The following EIF3A variants were observed in gnomAD, a reference collection of about 807,000 sequenced individuals.
The protein encoded by EIF3A is EIF3, p180 subunit.
EIF3A carries 21 observed loss-of-function variants against 186.6 expected under a neutral mutation model. The ratio of observed to expected loss-of-function variants is 0.11; its 90% CI spans 0.08 to 0.16. The LOEUF (loss-of-function observed/expected upper bound fraction) is 0.16, where lower values mean the gene tolerates loss of function less well. Among genes scored for constraint, EIF3A ranks in the 10% least tolerant of loss-of-function variants. The pLI, the probability that EIF3A is intolerant of heterozygous loss-of-function variation, is 1.00. For missense variants in EIF3A, 1,306 were observed against 1,796.3 expected, an observed-to-expected ratio of 0.73 and a Z score of 4.93; for synonymous variants, 563 against 584.3, an observed-to-expected ratio of 0.96 and a Z score of 0.52.
chr10:119,049,047 T>C (rs1337558023), intron 17 of EIF3A, among the ~76,000 whole-genome samples: 1 of 152,240 alleles, frequency 6.6e-6, no homozygotes, highest in Non-Finnish European at 1.5e-5. Context: ...AAAACTTTCA[T>C]GACACGCATG....
intron 6 of EIF3A, among the ~76,000 whole-genome samples, chr10:119,066,417 G>C (rs1225555393): frequency 6.8e-6 from 1 of 146,558 alleles, no homozygotes; most frequent in African/African-American, 2.5e-5. Context: ...GCTGAGGCAG[G>C]AGAATCAGTT....
Position 119,059,377 on chromosome 10 carries a change from A to G in EIF3A, c.1464T>C (p.Ser488=). The change falls in exon 11 of 22, where the codon TCT becomes TCC. Residue 488 remains serine (S), a synonymous_variant. Transcript: ENST00000369144. ...AATCAGATCCAAAACTCAGGGTCCG[A>G]GAAGTGTGATCAATACGAACCTTTG... ...CDLQVRIDHT[S]RTLSFGSDLN... The G allele has an allele frequency of 1.3e-6, 2 of 1,599,230 alleles. No homozygotes were observed. The highest frequency in any genetic ancestry group is 1.7e-6 in the Non-Finnish European group (2 of 1,173,872).
chr10:119,080,173 G>A (rs777760468), intron 1 of EIF3A, among the ~76,000 whole-genome samples: 17 of 152,218 alleles, frequency 1.1e-4, no homozygotes, highest in Non-Finnish European at 1.6e-4. Flanking sequence ...GGCCCGGGCA[G>A]GAGGTGGAGC....
At chr10:119,074,984 CTTTTTTT>C (rs113459869) in intron 1 of EIF3A, among the ~76,000 whole-genome samples, 2 of 105,230 alleles carry the variant, frequency 1.9e-5, no homozygotes, top group Non-Finnish European at 3.5e-5. Flanking sequence ...TATTTTTTTT[CTTTTTTT>C]TTTTTTTTGA....
chr10:119,037,331 G>C, intron 20 of EIF3A, 22 bp from the exon 21 acceptor site: 2 of 1,609,848 alleles, frequency 1.2e-6, no homozygotes, highest in Non-Finnish European at 1.7e-6. Context: ...TACAATGACA[G>C]GTCAGGTTCT....
intron 6 of EIF3A, among the ~76,000 whole-genome samples, chr10:119,065,893 C>T (rs7099529): frequency 6.7e-6 from 1 of 149,554 alleles, no homozygotes; most frequent in Non-Finnish European, 1.5e-5. Flanking sequence ...AAGGGGGGCA[C>T]ATCACGACGT....
intron 1 of EIF3A, among the ~76,000 whole-genome samples, chr10:119,079,506 A>T (rs1013806712): frequency 1.1e-4 from 17 of 152,324 alleles, no homozygotes; most frequent in African/African-American, 3.8e-4. Context: ...GTAAAACCCG[A>T]AACTTCTATT....
intron 6 of EIF3A, among the ~76,000 whole-genome samples, chr10:119,065,942 C>T (rs1843968532): frequency 6.6e-6 from 1 of 151,832 alleles, no homozygotes; most frequent in Admixed American, 6.6e-5. Context: ...CGGTGAAACC[C>T]CATCTCTACT....
At chr10:119,078,339 A>C (rs1270979547) in intron 1 of EIF3A, among the ~76,000 whole-genome samples, 2 of 152,178 alleles carry the variant, frequency 1.3e-5, no homozygotes, top group African/African-American at 2.4e-5. Context: ...TTTTTCCCCC[A>C]AAAATTGCTC....
intron 11 of EIF3A, among the ~76,000 whole-genome samples, chr10:119,058,750 G>C (rs1248325194): frequency 6.6e-6 from 1 of 152,238 alleles, no homozygotes; most frequent in African/African-American, 2.4e-5. Flanking sequence ...TGTGCACGTG[G>C]TACGTGCCTG....
chr10:119,074,106 G>A (rs890787504), intron 1 of EIF3A, among the ~76,000 whole-genome samples, 169 bp from the exon 2 acceptor site: 8 of 151,764 alleles, frequency 5.3e-5, no homozygotes, highest in African/African-American at 1.9e-4. Flanking sequence ...TAAAACAACA[G>A]AAAGACCTGT....
At chr10:119,047,626 G>C (rs1047917694) in intron 17 of EIF3A, among the ~76,000 whole-genome samples, 2 of 152,110 alleles carry the variant, frequency 1.3e-5, no homozygotes, top group Non-Finnish European at 2.9e-5. Flanking sequence ...AGATGTAGCA[G>C]ATTTAAACAA....
intron 17 of EIF3A, among the ~76,000 whole-genome samples, chr10:119,047,274 C>A (rs1848293740): frequency 6.6e-6 from 1 of 152,146 alleles, no homozygotes; most frequent in Non-Finnish European, 1.5e-5. Context: ...TCCACACACA[C>A]ACACACACAA....
intron 12 of EIF3A, 76 bp downstream of exon 12, chr10:119,057,880 T>C: frequency 4.3e-6 from 5 of 1,169,918 alleles, no homozygotes; most frequent in Non-Finnish European, 6.1e-6. Flanking sequence ...AGCCAACAAA[T>C]GGTAAAGGAC....
intron 9 of EIF3A, 98 bp downstream of exon 9, chr10:119,060,648 G>T: frequency 1.3e-6 from 1 of 752,486 alleles, no homozygotes; most frequent in Non-Finnish European, 2.1e-6. Flanking sequence ...AGAACTTGGG[G>T]AGGTTCTCAC....
rs1222857918 is a variant in EIF3A, at chr10:119,044,220, A to AT, written c.2659-79dup. On this transcript the variant is annotated intron_variant, in intron 17 of 21. Transcript: ENST00000369144. ...CAACTACTGGTATTACCATTCAAAT[A>AT]TTTTTTGTACTTATAACAATATGAA... 1.1e-5 allele frequency: 11 copies of AT among 980,714 alleles called. No homozygotes were observed. In the African/African-American group the frequency reaches 1.6e-4, roughly 15 times the overall value. The allele number at this position is 980,714 out of a possible 1,614,324, so 60.8% of individuals were successfully genotyped here. A position where few individuals can be genotyped will look rare whatever the true frequency, so the allele number is the denominator to read the frequency against.
Position 119,051,180 on chromosome 10 carries a change from C to A in EIF3A, c.2319+19G>T. ...AGAAAGCTCATGAATAAACATTTCC[C>A]AAAAATCAGCAAGCTCACCTCATAA... On this transcript the variant is annotated intron_variant, in intron 15 of 21. Coordinates refer to ENST00000369144, the MANE Select transcript of EIF3A (RefSeq NM_003750.4). 6.3e-7 allele frequency: 1 copy of A among 1,588,372 alleles called. No individual in the cohort carries two copies. The highest frequency in any genetic ancestry group is 1.2e-5 in the South Asian group (1 of 86,282).
chr10:119,037,408 A>T, intron 20 of EIF3A, 99 bp from the exon 21 acceptor site: 2 of 1,067,326 alleles, frequency 1.9e-6, no homozygotes, highest in African/African-American at 1.6e-5. Flanking sequence ...GTTTACAAAT[A>T]TAACAGACAG....
At chr10:119,052,475 A>G (rs1848372513) in intron 14 of EIF3A, among the ~76,000 whole-genome samples, 1 of 151,256 alleles carries the variant, frequency 6.6e-6, no homozygotes, top group South Asian at 2.1e-4. Context: ...CAACCTCTGC[A>G]TCCTCCCACC....
Sources: gnomAD v4.1 joint callset for allele counts (sites outside exome capture counted in the v4.1 genomes callset) on GRCh38, gnomAD v4.1.1 for gene constraint, MANE v1.5 for transcripts, NCBI Gene and HGNC (gene_info 2026-07-23, HGNC 2026-07-21) for gene names.